The following CAMTA1 variants were observed in gnomAD, a reference collection of about 807,000 sequenced individuals.
CAMTA1 encodes calmodulin-binding transcription activator 1.
In CAMTA1, 27 loss-of-function variants were observed where a neutral mutation model predicts 170.9. That is an observed-to-expected ratio of 0.16 (90% CI 0.12 to 0.22). The LOEUF is 0.22. CAMTA1 is among the 10% of genes least tolerant of loss of function. The probability of loss-of-function intolerance (pLI) is 1.00; values close to 1 mark genes in which losing one functional copy is unlikely to be tolerated. For missense variants in CAMTA1, 1,619 were observed against 2,217.2 expected (o/e 0.73, Z 5.42); for synonymous variants, 833 against 891.5 (o/e 0.93, Z 1.17).
intron 4 of CAMTA1, among the ~76,000 whole-genome samples, chr1:7,226,422 G>A (rs1233306746): frequency 1.3e-5 from 2 of 152,156 alleles, no homozygotes; most frequent in Non-Finnish European, 1.5e-5. Context: ...AGTTCATGCT[G>A]TAATCCCTGT....
Position 7,663,507 on chromosome 1 carries a change from C to T in CAMTA1, c.960C>T (p.Gly320=). 2.5e-6 allele frequency: 4 copies of T among 1,601,678 alleles called. No homozygotes were observed. Among genetic ancestry groups the T allele is most frequent in the Non-Finnish European group, 3.4e-6 (4 of 1,170,580 alleles). The change falls in exon 9 of 23, where the codon GGC becomes GGT. Residue 320 remains glycine (G), a synonymous_variant. Transcript: ENST00000303635. ...AGCACGAGCACAGCCACAGCAAGGG[C>T]TCCAGCCGTGAGAAGAGGAACGGCA... ...EGKHEHSHSK[G]SSREKRNGKV... is the part of the protein sequence containing the mutation.
At chr1:7,432,343 T>C (rs1191409007) in intron 5 of CAMTA1, among the ~76,000 whole-genome samples, 1 of 152,200 alleles carries the variant, frequency 6.6e-6, no homozygotes, top group East Asian at 1.9e-4. Context: ...AGGTTTTGAA[T>C]TCAGGTCTAA....
At chr1:6,999,972 C>T (rs1390704773) in intron 3 of CAMTA1, among the ~76,000 whole-genome samples, 2 of 152,242 alleles carry the variant, frequency 1.3e-5, no homozygotes, top group African/African-American at 4.8e-5. Flanking sequence ...TGCAAGTCCC[C>T]CAACCAAGGG....
rs1645665293 is a variant in CAMTA1 at position 6,815,362 on chromosome 1, A to C, written c.46-4819A>C. Among the ~76,000 whole-genome samples the C allele has an allele frequency of 2.0e-5, 3 of 152,050 alleles. No homozygotes were observed. The South Asian group carries it at 6.2e-4, about 32-fold the overall frequency. On this transcript the variant is annotated intron_variant, in intron 1 of 22. Transcript: ENST00000303635. ...TGGGACTGCAGGCACACAGTACCAC[A>C]CCTGGCTAATATTTTAATATTTGTA...
At chr1:7,053,330 G>A (rs1460089106) in intron 3 of CAMTA1, among the ~76,000 whole-genome samples, 4 of 152,244 alleles carry the variant, frequency 2.6e-5, no homozygotes, top group South Asian at 2.1e-4. Flanking sequence ...GAGCTTCATC[G>A]AAGCTCTATG....
At chr1:7,085,155 G>A (rs1042053789) in intron 3 of CAMTA1, among the ~76,000 whole-genome samples, 2 of 152,112 alleles carry the variant, frequency 1.3e-5, no homozygotes, top group African/African-American at 4.8e-5. Context: ...AATGACACAC[G>A]TGCCTTGTGT....
chr1:7,656,062 G>A (rs183235646), intron 7 of CAMTA1, among the ~76,000 whole-genome samples: 226 of 152,294 alleles, frequency 1.5e-3, no homozygotes, highest in Middle Eastern at 3.4e-3. Context: ...TAGCAAGAAG[G>A]CCCTCACCAG....
intron 3 of CAMTA1, among the ~76,000 whole-genome samples, chr1:6,991,285 C>CT (rs901210771): frequency 3.3e-5 from 5 of 151,780 alleles, no homozygotes; most frequent in Non-Finnish European, 7.4e-5. Flanking sequence ...GCTGTGTTTT[C>CT]TTTTTTTTAA....
chr1:7,303,876 A>C (rs745736828), intron 5 of CAMTA1, among the ~76,000 whole-genome samples: 3 of 152,204 alleles, frequency 2.0e-5, no homozygotes, highest in Non-Finnish European at 2.9e-5. Context: ...TTCCAATTAC[A>C]ACAGCAAGCG....
chr1:7,747,666 A>T, intron 18 of CAMTA1, 44 bp from the exon 19 acceptor site: 2 of 1,357,686 alleles, frequency 1.5e-6, no homozygotes, highest in Non-Finnish European at 2.1e-6. Flanking sequence ...CATTTCTGGT[A>T]GTTAATCATT....
At chr1:7,281,800 T>TGA (rs1671547953) in intron 5 of CAMTA1, among the ~76,000 whole-genome samples, 1 of 7,066 alleles carries the variant, frequency 1.4e-4, no homozygotes, top group Non-Finnish European at 4.4e-4. Flanking sequence ...GGAAAGAAAT[T>TGA]GTGTGTGTGT....
intron 5 of CAMTA1, among the ~76,000 whole-genome samples, chr1:7,390,615 C>A (rs845224): frequency 0.62 from 94,099 of 152,132 alleles, 30,702 homozygotes; most frequent in Non-Finnish European, 0.73. Flanking sequence ...GTTCAGACAC[C>A]CAGGCTGTGA....
At chr1:6,987,002 G>T (rs189081505) in intron 3 of CAMTA1, among the ~76,000 whole-genome samples, 2 of 151,660 alleles carry the variant, frequency 1.3e-5, no homozygotes, top group Non-Finnish European at 2.9e-5. Context: ...CAGCCCCTCC[G>T]CCCCCACTTC....
At chr1:6,995,879 G>C (rs1377038803) in intron 3 of CAMTA1, among the ~76,000 whole-genome samples, 1 of 152,186 alleles carries the variant, frequency 6.6e-6, no homozygotes, top group Non-Finnish European at 1.5e-5. Flanking sequence ...CATAAGACTG[G>C]CTAGTTCAAA....
intron 4 of CAMTA1, among the ~76,000 whole-genome samples, chr1:7,244,839 A>G (rs958331599): frequency 6.6e-6 from 1 of 152,118 alleles, no homozygotes; most frequent in Non-Finnish European, 1.5e-5. Flanking sequence ...ACATGTATAC[A>G]TATGTAACAA....
chr1:6,881,721 A>C (rs1014070023), intron 3 of CAMTA1, among the ~76,000 whole-genome samples: 1 of 152,236 alleles, frequency 6.6e-6, no homozygotes, highest in African/African-American at 2.4e-5. Context: ...TAACCCCAGC[A>C]CTTCGGGAGG....
intron 6 of CAMTA1, among the ~76,000 whole-genome samples, chr1:7,494,778 TG>T (rs1268186541): frequency 1.3e-5 from 2 of 151,960 alleles, no homozygotes; most frequent in Non-Finnish European, 2.9e-5. Context: ...CACTCCAGCG[TG>T]GGTGACAGAT....
intron 5 of CAMTA1, among the ~76,000 whole-genome samples, chr1:7,386,135 G>T (rs1456103838): frequency 6.6e-6 from 1 of 152,228 alleles, no homozygotes; most frequent in Non-Finnish European, 1.5e-5. Flanking sequence ...CAGCCCGCTG[G>T]AAGGCCATCT....
chr1:7,522,119 G>A (rs920461082), intron 6 of CAMTA1, among the ~76,000 whole-genome samples: 1 of 152,192 alleles, frequency 6.6e-6, no homozygotes, highest in Admixed American at 6.5e-5. Context: ...CACTAACGGG[G>A]TATGACGGAT....
Sources: gnomAD v4.1 joint callset for allele counts (sites outside exome capture counted in the v4.1 genomes callset) on GRCh38, gnomAD v4.1.1 for gene constraint, MANE v1.5 for transcripts, NCBI Gene and HGNC (gene_info 2026-07-23, HGNC 2026-07-21) for gene names.